Variants in NTM observed in about 807,000 individuals in gnomAD.
NTM encodes the protein neurotrimin.
In NTM, 13 loss-of-function variants were observed where a neutral mutation model predicts 42.1. The ratio of observed to expected loss-of-function variants is 0.31; its 90% CI spans 0.20 to 0.49. NTM has a LOEUF of 0.49. NTM is among the 20% of genes least tolerant of loss of function. The pLI is 0.99. For synonymous variants in NTM, 187 were observed against 179.2 expected (o/e 1.04, Z -0.35); for missense variants, 373 against 452.8 (o/e 0.82, Z 1.60).
intron 2 of NTM, among the ~76,000 whole-genome samples, chr11:131,987,378 CCTATT>C (rs60741014): frequency 0.14 from 21,010 of 147,794 alleles, 1,667 homozygotes; most frequent in African/African-American, 0.21. Context: ...TCCTATTCCT[CCTATT>C]CTATTCTATT....
chr11:131,568,898 T>A (rs1179432665), intron 1 of NTM, among the ~76,000 whole-genome samples: 1 of 152,158 alleles, frequency 6.6e-6, no homozygotes, highest in East Asian at 1.9e-4. Context: ...CTCTCTCTCT[T>A]TTTCAACAGC....
rs144681721 is a variant in NTM at position 132,207,402 on chromosome 11, T to C, written c.401-4620T>C. ...GTCACTATCTCCCATCACCCCCAGA[T>C]GGGACCCCCTAGTTGCAGGAAAACA... On this transcript the variant is annotated intron_variant, in intron 3 of 8. Transcript: ENST00000683400. Among the ~76,000 whole-genome samples, 1,192 of 152,282 alleles carry C rather than the reference T, an allele frequency of 7.8e-3. 52 individuals are homozygous for C. Among genetic ancestry groups the C allele is most frequent in the Admixed American group, 0.059 (909 of 15,294 alleles).
At chr11:131,608,371 G>C (rs373884037) in intron 1 of NTM, among the ~76,000 whole-genome samples, 3 of 152,216 alleles carry the variant, frequency 2.0e-5, no homozygotes, top group African/African-American at 7.2e-5. Flanking sequence ...TGCTCAGGCT[G>C]TCATAGAATA....
intron 1 of NTM, among the ~76,000 whole-genome samples, chr11:131,391,160 G>A (rs973256576): frequency 6.6e-6 from 1 of 152,200 alleles, no homozygotes; most frequent in African/African-American, 2.4e-5. Flanking sequence ...TGAGGTAGGG[G>A]TTGTAGATAG....
At chr11:132,060,017 C>T (rs1343557631) in intron 2 of NTM, among the ~76,000 whole-genome samples, 1 of 152,132 alleles carries the variant, frequency 6.6e-6, no homozygotes, top group African/African-American at 2.4e-5. Context: ...TCCAGGATCC[C>T]CCAGCTTCCT....
intron 1 of NTM, among the ~76,000 whole-genome samples, chr11:131,469,534 A>G (rs1952224506): frequency 6.6e-6 from 1 of 152,214 alleles, no homozygotes; most frequent in African/African-American, 2.4e-5. Flanking sequence ...GCAGATCAGG[A>G]GACCTGGAGG....
intron 6 of NTM, chr11:132,312,876 C>CATTCCATTTGGACAGTGCTAGCATTTTAA (rs2095320440): frequency 6.5e-6 from 1 of 152,964 alleles, no homozygotes; most frequent in Non-Finnish European, 1.5e-5. Flanking sequence ...CCGGATGCCT[C>CATTCCATTTGGACAGTGCTAGCATTTTAA]ATTCCATTTG....
chr11:131,568,037 G>A (rs1280567372), intron 1 of NTM, among the ~76,000 whole-genome samples: 1 of 152,194 alleles, frequency 6.6e-6, no homozygotes, highest in African/African-American at 2.4e-5. Flanking sequence ...TCAGCTGAGA[G>A]CACAGTCCTA....
At chr11:131,545,091 G>A (rs576405272) in intron 1 of NTM, among the ~76,000 whole-genome samples, 5 of 152,020 alleles carry the variant, frequency 3.3e-5, no homozygotes, top group East Asian at 1.9e-4. Flanking sequence ...TTTCTTTCTC[G>A]CTGGACTATT....
intron 1 of NTM, chr11:131,910,879 G>A (rs1271623844): frequency 1.7e-5 from 17 of 985,216 alleles, no homozygotes; most frequent in Non-Finnish European, 1.9e-5. Flanking sequence ...GCAGGATCCC[G>A]GGCCCGGATC....
At chr11:131,815,766 G>A (rs1030115207) in intron 1 of NTM, among the ~76,000 whole-genome samples, 15 of 152,178 alleles carry the variant, frequency 9.9e-5, no homozygotes, top group African/African-American at 3.4e-4. Flanking sequence ...CACTGACTGA[G>A]CTGACCCTGA....
At chr11:132,270,341 C>G (rs1205156519) in intron 4 of NTM, among the ~76,000 whole-genome samples, 1 of 152,130 alleles carries the variant, frequency 6.6e-6, no homozygotes, top group African/African-American at 2.4e-5. Context: ...AAGCGATTCT[C>G]TCACCTCAGC....
chr11:131,482,304 A>G (rs1404957032), intron 1 of NTM, among the ~76,000 whole-genome samples: 1 of 152,096 alleles, frequency 6.6e-6, no homozygotes, highest in Non-Finnish European at 1.5e-5. Context: ...ACCCATCACA[A>G]TCTTCAGGTG....
At chr11:131,618,619 A>G (rs972432796) in intron 1 of NTM, among the ~76,000 whole-genome samples, 3 of 152,194 alleles carry the variant, frequency 2.0e-5, no homozygotes, top group Non-Finnish European at 4.4e-5. Context: ...TCAGGATGTG[A>G]GCCCACTTTA....
chr11:131,427,107 A>G (rs1948197105), intron 1 of NTM, among the ~76,000 whole-genome samples: 1 of 152,050 alleles, frequency 6.6e-6, no homozygotes, highest in Admixed American at 6.6e-5. Context: ...TCTGGGATGC[A>G]GTGAAAGGTA....
intron 1 of NTM, among the ~76,000 whole-genome samples, chr11:131,638,743 G>A (rs2064755952): frequency 6.6e-6 from 1 of 151,778 alleles, no homozygotes; most frequent in African/African-American, 2.4e-5. Context: ...TTTAGTCCCA[G>A]ACTTTGCCAC....
At chr11:131,523,686 G>A (rs2050058046) in intron 1 of NTM, among the ~76,000 whole-genome samples, 1 of 151,272 alleles carries the variant, frequency 6.6e-6, no homozygotes, top group South Asian at 2.1e-4. Flanking sequence ...CTACTCAGGA[G>A]GCTGAGACAG....
At chr11:132,138,516 A>G (rs1277239941) in intron 2 of NTM, among the ~76,000 whole-genome samples, 2 of 151,926 alleles carry the variant, frequency 1.3e-5, no homozygotes, top group African/African-American at 2.4e-5. Flanking sequence ...TGTTCGAAGC[A>G]GTGTGGGGTG....
intron 8 of NTM, 109 bp downstream of exon 8, chr11:132,330,294 C>G (rs932636847): frequency 9.4e-5 from 117 of 1,251,046 alleles, no homozygotes; most frequent in Non-Finnish European, 1.2e-4. Context: ...GGAAGCAGCG[C>G]AGAGGGAACC....
Sources: gnomAD v4.1 joint callset for allele counts (sites outside exome capture counted in the v4.1 genomes callset) on GRCh38, gnomAD v4.1.1 for gene constraint, MANE v1.5 for transcripts, NCBI Gene and HGNC (gene_info 2026-07-23, HGNC 2026-07-21) for gene names.